Variants in TRIO observed in about 807,000 individuals in gnomAD.
The protein encoded by TRIO is triple functional domain protein.
Under a neutral mutation model 351.9 loss-of-function variants are expected in TRIO, and 58 were observed. That is an observed-to-expected ratio of 0.16 (90% CI 0.13 to 0.21). The LOEUF (loss-of-function observed/expected upper bound fraction) is 0.21. Among genes scored for constraint, TRIO ranks in the 10% least tolerant of loss-of-function variants. The pLI is 1.00. For synonymous variants in TRIO, 1,758 were observed against 1,595.7 expected (o/e 1.10, Z -2.42); for missense variants, 3,201 against 4,027.8 (o/e 0.79, Z 5.56).
At chr5:14,462,450 A>G (rs558009054) in intron 35 of TRIO, among the ~76,000 whole-genome samples, 1 of 152,318 alleles carries the variant, frequency 6.6e-6, no homozygotes, top group Non-Finnish European at 1.5e-5. Flanking sequence ...TTGTAGCTCA[A>G]ATTTTTGAGC....
intron 47 of TRIO, among the ~76,000 whole-genome samples, chr5:14,486,430 T>G (rs1755920411): frequency 6.6e-6 from 1 of 152,154 alleles, no homozygotes; most frequent in Non-Finnish European, 1.5e-5. Flanking sequence ...CAAGTTTCCA[T>G]CCTGCTTGCA....
At position 14,492,586 on chromosome 5, in the gene TRIO, G is replaced by A; in HGVS notation, c.7652G>A (p.Ser2551Asn). 6.2e-7 allele frequency: 1 copy of A among 1,614,128 alleles called. No homozygotes were observed. The highest frequency in any genetic ancestry group is 1.1e-5 in the South Asian group (1 of 91,080). Residue 2551 changes from serine (S) to asparagine (N), a missense_variant, in exon 49 of 57, where the codon AGC becomes AAC. Coordinates refer to ENST00000344204, the MANE Select transcript of TRIO (RefSeq NM_007118.4). Reference sequence around the variant, plus strand: ...CTGCAGAGTGAAAGCAGCAGCAGTAGCAACATCTCCACCATGTTGGTGACA... The same window carrying A: ...CTGCAGAGTGAAAGCAGCAGCAGTAACAACATCTCCACCATGTTGGTGACA... ...QSNGSESSSS[S>N]NISTMLVTHD...
chr5:14,159,325 A>G (rs1453680754), intron 1 of TRIO, among the ~76,000 whole-genome samples: 3 of 149,386 alleles, frequency 2.0e-5, no homozygotes, highest in Non-Finnish European at 4.5e-5. Flanking sequence ...CGCAGTCAAA[A>G]AAAAAAAAAA....
intron 1 of TRIO, among the ~76,000 whole-genome samples, chr5:14,151,248 A>T (rs1787809633): frequency 6.6e-6 from 1 of 152,196 alleles, no homozygotes; most frequent in Non-Finnish European, 1.5e-5. Context: ...TGTTAGCCCC[A>T]CCTACTTTTA....
At chr5:14,389,451 T>C in intron 25 of TRIO, 53 bp downstream of exon 25, 3 of 1,315,608 alleles carry the variant, frequency 2.3e-6, no homozygotes, top group Non-Finnish European at 2.1e-6. Flanking sequence ...TGTGCTGAAG[T>C]TTCATCACAA....
chr5:14,394,020 T>C lies in TRIO; in HGVS notation c.4219-18T>C. Reference sequence around the variant, plus strand: ...TAGCCCTATGATAACTCTTGTTTCTTGTTTGGTTTTAATACAGGAGATACA... The same window carrying C: ...TAGCCCTATGATAACTCTTGTTTCTCGTTTGGTTTTAATACAGGAGATACA... On this transcript the variant is annotated intron_variant, in intron 27 of 56. Transcript: ENST00000344204. 6.3e-7 allele frequency: 1 copy of C among 1,581,506 alleles called. No homozygotes were observed. The highest frequency in any genetic ancestry group is 2.2e-5 in the East Asian group (1 of 44,626).
intron 48 of TRIO, 150 bp downstream of exon 48, chr5:14,488,410 G>T: frequency 8.0e-7 from 1 of 1,242,498 alleles, no homozygotes; most frequent in Non-Finnish European, 1.1e-6. Context: ...TAACCCTCCT[G>T]CGGGCCGGCC....
intron 10 of TRIO, among the ~76,000 whole-genome samples, chr5:14,334,966 C>A (rs1741258746): frequency 6.6e-6 from 1 of 152,118 alleles, no homozygotes; most frequent in Non-Finnish European, 1.5e-5. Flanking sequence ...TGAGAGAAGC[C>A]CTGGAAAGCA....
At chr5:14,364,613 C>G (rs767253370) in intron 14 of TRIO, 37 bp from the exon 15 acceptor site, 13 of 1,576,484 alleles carry the variant, frequency 8.2e-6, no homozygotes, top group African/African-American at 1.4e-5. Context: ...GGTTGAAGTG[C>G]TAGCTGAATT....
At chr5:14,425,230 C>G (rs933107343) in intron 34 of TRIO, among the ~76,000 whole-genome samples, 1 of 152,204 alleles carries the variant, frequency 6.6e-6, no homozygotes, top group South Asian at 2.1e-4. Flanking sequence ...ACCCTCCGCT[C>G]TCTCCTCCCA....
rs144063442 is a variant in TRIO, at chr5:14,187,538, C to T, written c.157+43656C>T. ...ACTCTGTTTTTGAAAACCATTGTAC[C>T]GAGGAGTGGGTCTAACAGCCACAGG... is the stretch of plus-strand genomic sequence containing the variant. On this transcript the variant is annotated intron_variant, in intron 1 of 56. Transcript: ENST00000344204. 4.3e-4 allele frequency among the ~76,000 whole-genome samples: 65 copies of T among 152,212 alleles called. 1 individual carries two copies. In the East Asian group the frequency reaches 9.5e-3, roughly 22 times the overall value.
At chr5:14,475,952 T>C (rs1755045010) in intron 40 of TRIO, among the ~76,000 whole-genome samples, 1 of 152,204 alleles carries the variant, frequency 6.6e-6, no homozygotes, top group African/African-American at 2.4e-5. Context: ...TGGACATATA[T>C]CTTAAAAGAC....
At chr5:14,166,288 C>G (rs1378925099) in intron 1 of TRIO, among the ~76,000 whole-genome samples, 1 of 152,218 alleles carries the variant, frequency 6.6e-6, no homozygotes, top group Non-Finnish European at 1.5e-5. Flanking sequence ...CTTCCTGTCT[C>G]TCAGTCGTCC....
intron 1 of TRIO, among the ~76,000 whole-genome samples, chr5:14,178,037 T>C (rs1473102138): frequency 1.3e-5 from 2 of 152,258 alleles, no homozygotes; most frequent in East Asian, 1.9e-4. Flanking sequence ...TTGGCTTTTG[T>C]GTTTGCTTTT....
intron 37 of TRIO, among the ~76,000 whole-genome samples, chr5:14,470,329 A>G (rs1426632655): frequency 6.6e-6 from 1 of 152,076 alleles, no homozygotes; most frequent in Non-Finnish European, 1.5e-5. Context: ...TTAATACCAA[A>G]TGTTTTAAGT....
intron 1 of TRIO, among the ~76,000 whole-genome samples, chr5:14,167,712 C>T (rs1453056396): frequency 6.6e-6 from 1 of 152,058 alleles, no homozygotes; most frequent in Admixed American, 6.5e-5. Flanking sequence ...AGGTGTGAGT[C>T]AGAGGCTGGG....
At chr5:14,300,293 T>A (rs1231284736) in intron 7 of TRIO, among the ~76,000 whole-genome samples, 2 of 152,224 alleles carry the variant, frequency 1.3e-5, no homozygotes, top group Non-Finnish European at 2.9e-5. Context: ...TACTGTGACC[T>A]CAAGCTGCAC....
At chr5:14,200,272 C>G (rs1791025640) in intron 1 of TRIO, among the ~76,000 whole-genome samples, 1 of 152,196 alleles carries the variant, frequency 6.6e-6, no homozygotes, top group Admixed American at 6.5e-5. Context: ...GAATCCCCAG[C>G]CTGAGGTCGT....
chr5:14,508,035 C>T lies in TRIO; in HGVS notation c.8907C>T (p.Val2969=). 1 of 1,614,238 alleles carries T rather than the reference C, an allele frequency of 6.2e-7. No individual in the cohort carries two copies. The highest frequency in any genetic ancestry group is 8.5e-7 in the Non-Finnish European group (1 of 1,180,052). ...AAPEIILGNP[V]SLTSDTWSVG... is the part of the protein sequence containing the mutation. ...CTGAAATCATCCTCGGGAACCCTGT[C>T]TCCCTGACCTCGGATACGTGGAGTG... The change falls in exon 57 of 57, where the codon GTC becomes GTT. Residue 2969 remains valine, a synonymous_variant. Transcript: ENST00000344204.
Sources: gnomAD v4.1 joint callset for allele counts (sites outside exome capture counted in the v4.1 genomes callset) on GRCh38, gnomAD v4.1.1 for gene constraint, MANE v1.5 for transcripts, NCBI Gene and HGNC (gene_info 2026-07-23, HGNC 2026-07-21) for gene names.